Variants in CDK14 observed in about 807,000 individuals in gnomAD.
CDK14 encodes the protein cyclin dependent kinase 14, also known as cyclin-dependent kinase 14.
A neutral mutation model predicts 60.7 loss-of-function variants in CDK14; 34 were observed. The ratio of observed to expected loss-of-function variants is 0.56; its 90% confidence interval spans 0.43 to 0.75. The LOEUF (loss-of-function observed/expected upper bound fraction) is 0.75. Ranked by LOEUF, CDK14 falls within the 30% of genes least tolerant of loss-of-function variation. CDK14 has a pLI of 0.00. For synonymous variants in CDK14, 197 were observed against 203.7 expected, an observed-to-expected ratio of 0.97 and a Z score of 0.28; for missense variants, 482 against 564.1, an observed-to-expected ratio of 0.85 and a Z score of 1.47.
Position 90,649,341 on chromosome 7 carries a change from C to CT in CDK14, c.123+45094dup, listed in dbSNP as rs1315464617. ...CCTTCCTTCCTTCCTTCCTTCCTTC[C>CT]TTCCTTCCTTCCTTCCTTCCTTCCT... is the stretch of plus-strand genomic sequence containing the variant. On this transcript the variant is annotated intron_variant, in intron 2 of 14. Coordinates refer to ENST00000380050, the MANE Select transcript of CDK14 (RefSeq NM_001287135.2). Among the ~76,000 whole-genome samples, 244 of 46,574 alleles carry CT rather than the reference C, an allele frequency of 5.2e-3. 11 individuals are homozygous for CT. Among genetic ancestry groups the CT allele is most frequent in the African/African-American group, 0.01 (78 of 7,762 alleles). The allele number at this position is 46,574 out of a possible 152,430, so 30.6% of individuals were successfully genotyped here.
chr7:90,606,972 A>G (rs1181194396), intron 2 of CDK14, among the ~76,000 whole-genome samples: 1 of 152,186 alleles, frequency 6.6e-6, no homozygotes, highest in Non-Finnish European at 1.5e-5. Flanking sequence ...TGTAACAACC[A>G]ACATAAGATT....
chr7:91,133,554 C>G (rs1188305980), intron 14 of CDK14, among the ~76,000 whole-genome samples: 1 of 151,782 alleles, frequency 6.6e-6, no homozygotes, highest in Non-Finnish European at 1.5e-5. Flanking sequence ...GTTATTAAGC[C>G]AAGTAACATG....
intron 11 of CDK14, among the ~76,000 whole-genome samples, chr7:91,057,383 T>G (rs576557620): frequency 6.6e-6 from 1 of 152,236 alleles, no homozygotes; most frequent in Admixed American, 6.5e-5. Context: ...GGAGTTTCTT[T>G]TGCTGTGCAG....
intron 2 of CDK14, among the ~76,000 whole-genome samples, chr7:90,713,771 C>A (rs183518898): frequency 2.0e-5 from 3 of 151,978 alleles, no homozygotes; most frequent in Admixed American, 2.0e-4. Context: ...TGGTCAAGAG[C>A]TTGTGCTTTG....
At chr7:91,027,781 C>T (rs1309569012) in intron 10 of CDK14, among the ~76,000 whole-genome samples, 2 of 6,814 alleles carry the variant, frequency 2.9e-4, no homozygotes, top group African/African-American at 1.6e-3. Flanking sequence ...CCTCCCCTCC[C>T]CTCCCCTCCC....
At chr7:91,017,060 A>G (rs1020690940) in intron 10 of CDK14, among the ~76,000 whole-genome samples, 3 of 152,136 alleles carry the variant, frequency 2.0e-5, no homozygotes, top group Non-Finnish European at 4.4e-5. Flanking sequence ...TCCTTTCTTC[A>G]CTTTATCTGC....
intron 2 of CDK14, among the ~76,000 whole-genome samples, chr7:90,700,923 C>A (rs1019243657): frequency 1.3e-5 from 2 of 152,082 alleles, no homozygotes; most frequent in Non-Finnish European, 2.9e-5. Context: ...TAATACAAAA[C>A]TCAATAAATG....
intron 6 of CDK14, among the ~76,000 whole-genome samples, chr7:90,873,142 C>T (rs946703849): frequency 1.3e-5 from 2 of 151,750 alleles, no homozygotes; most frequent in South Asian, 2.1e-4. Context: ...GGTGGAGGCA[C>T]GAGAGTAATA....
intron 2 of CDK14, among the ~76,000 whole-genome samples, chr7:90,707,087 G>C (rs1259025177): frequency 6.6e-6 from 1 of 152,036 alleles, no homozygotes; most frequent in Admixed American, 6.6e-5. Flanking sequence ...GCAAACTTTT[G>C]ATCTATCATC....
At position 90,792,137 on chromosome 7, in the gene CDK14, T is replaced by C. The variant is rs539941595; in HGVS notation, c.544+1485T>C. 3.3e-5 allele frequency among the ~76,000 whole-genome samples: 5 copies of C among 151,744 alleles called. 2 individuals are homozygous for C. The South Asian group carries it at 1.0e-3, about 32-fold the overall frequency. Reference sequence around the variant, plus strand: ...GGCTGGTCTCGAACTCTTGAAGTAGTGATCCACTCACCTCGGCCTCCCAAA... The same window carrying C: ...GGCTGGTCTCGAACTCTTGAAGTAGCGATCCACTCACCTCGGCCTCCCAAA... On this transcript the variant is annotated intron_variant, in intron 5 of 14. Coordinates refer to ENST00000380050, the MANE Select transcript of CDK14 (RefSeq NM_001287135.2).
intron 2 of CDK14, among the ~76,000 whole-genome samples, chr7:90,659,432 A>G (rs1426635209): frequency 6.6e-6 from 1 of 152,194 alleles, no homozygotes; most frequent in Non-Finnish European, 1.5e-5. Flanking sequence ...ATTTTAAGGT[A>G]GTACAGCTTC....
intron 11 of CDK14, among the ~76,000 whole-genome samples, chr7:91,057,049 T>C (rs1420658623): frequency 2.0e-5 from 3 of 152,258 alleles, no homozygotes; most frequent in Admixed American, 1.3e-4. Flanking sequence ...TTCCTATTTC[T>C]CCACATCCTC....
At chr7:90,896,966 G>T (rs573369373) in intron 6 of CDK14, among the ~76,000 whole-genome samples, 1 of 152,010 alleles carries the variant, frequency 6.6e-6, no homozygotes, top group Admixed American at 6.6e-5. Flanking sequence ...AGTTTATTGG[G>T]CATGCTATTT....
chr7:90,933,454 G>T (rs921076728), intron 8 of CDK14, among the ~76,000 whole-genome samples: 1 of 152,098 alleles, frequency 6.6e-6, no homozygotes, highest in African/African-American at 2.4e-5. Context: ...TTTGCCTGTA[G>T]TATCTTTTCA....
intron 11 of CDK14, among the ~76,000 whole-genome samples, chr7:91,057,643 C>T (rs1199311572): frequency 6.6e-6 from 1 of 152,212 alleles, no homozygotes. Flanking sequence ...GTTTTCCCAA[C>T]ACCATTTATT....
intron 2 of CDK14, among the ~76,000 whole-genome samples, chr7:90,688,118 TA>T (rs375115957): frequency 4.1e-4 from 63 of 152,198 alleles, no homozygotes; most frequent in African/African-American, 1.3e-3. Flanking sequence ...AGGGAAGTAT[TA>T]GGGGGGAAGT....
intron 11 of CDK14, among the ~76,000 whole-genome samples, chr7:91,052,825 T>C (rs1172401088): frequency 6.6e-6 from 1 of 152,210 alleles, no homozygotes; most frequent in Non-Finnish European, 1.5e-5. Flanking sequence ...TCAGGAAACT[T>C]TGAAGAAAAT....
At position 90,609,343 on chromosome 7, in the gene CDK14, G is replaced by GA. The variant is rs370741536; in HGVS notation, c.123+5096dup. ...TACAGCCATGCAGTGATTTTTATGA[G>GA]AACCAGAATCTAGGGATGATATGGT... On this transcript the variant is annotated intron_variant, in intron 2 of 14. Transcript: ENST00000380050. Among the ~76,000 whole-genome samples, 144 of 152,180 alleles carry GA rather than the reference G, an allele frequency of 9.5e-4. 1 individual carries two copies. Among genetic ancestry groups the GA allele is most frequent in the African/African-American group, 3.2e-3 (132 of 41,522 alleles).
chr7:91,131,843 C>T (rs753455881), intron 14 of CDK14, among the ~76,000 whole-genome samples: 7 of 152,264 alleles, frequency 4.6e-5, no homozygotes, highest in East Asian at 1.9e-4. Flanking sequence ...TACAGGAACT[C>T]GTTTACGGTT....
Sources: gnomAD v4.1 joint callset for allele counts (sites outside exome capture counted in the v4.1 genomes callset) on GRCh38, gnomAD v4.1.1 for gene constraint, MANE v1.5 for transcripts, NCBI Gene and HGNC (gene_info 2026-07-23, HGNC 2026-07-21) for gene names.